ZNF800: variants seen among roughly 807,000 people sequenced by gnomAD.
ZNF800 encodes zinc finger protein 800.
In ZNF800, 13 loss-of-function variants were observed where a neutral mutation model predicts 59.5. The observed-to-expected ratio is 0.22, with a 90% CI of 0.14 to 0.35. The LOEUF is 0.35. Among genes scored for constraint, ZNF800 ranks in the 10% least tolerant of loss-of-function variants. The pLI, the probability that ZNF800 is intolerant of heterozygous loss-of-function variation, is 1.00. For missense variants in ZNF800, 621 were observed against 783.7 expected (o/e 0.79, Z 2.48); for synonymous variants, 266 against 265.7 (o/e 1.00, Z -0.01).
chr7:127,343,529 A>G (rs988060658), downstream of ZNF800, among the ~76,000 whole-genome samples: 5 of 152,032 alleles, frequency 3.3e-5, no homozygotes, highest in Non-Finnish European at 7.4e-5. Context: ...TTAAGTTTTC[A>G]GAGAATTGTC....
At chr7:127,348,208 C>A (rs1800106054) in intron 1 of ZNF800, among the ~76,000 whole-genome samples, 1 of 152,188 alleles carries the variant, frequency 6.6e-6, no homozygotes, top group Non-Finnish European at 1.5e-5. Flanking sequence ...GAGAAAACTG[C>A]GGTGGTCATA....
chr7:127,361,348 CAGG>C (rs1800388981), intron 1 of ZNF800: 1 of 152,028 alleles, frequency 6.6e-6, no homozygotes, highest in Admixed American at 6.6e-5. Flanking sequence ...GAAGCCAAGT[CAGG>C]AGGATTGCTT....
At position 127,371,608 on chromosome 7, in the gene ZNF800, A is replaced by G. The variant is rs903579293; in HGVS notation, c.*206T>C. 4.6e-6 allele frequency: 2 copies of G among 433,344 alleles called. No homozygotes were observed. Among genetic ancestry groups the G allele is most frequent in the African/African-American group, 4.1e-5 (2 of 48,752 alleles). 26.8% of individuals were successfully genotyped at this position (433,344 alleles called of 1,614,324 possible). A position where few individuals can be genotyped will look rare whatever the true frequency, so the allele number is the denominator to read the frequency against. ...CAACATGTAATATCACAGCTACTTG[A>G]AAGTGCTGGAATAGGCAGTGCCTTA... On this transcript the variant is annotated 3_prime_UTR_variant, in exon 6 of 6. Transcript: ENST00000265827.
At position 127,373,458 on chromosome 7, in the gene ZNF800, T is replaced by C. The variant is rs753574901; in HGVS notation, c.1878A>G (p.Ala626=). 3.1e-6 allele frequency: 5 copies of C among 1,614,052 alleles called. No homozygotes were observed. Among genetic ancestry groups the C allele is most frequent in the African/African-American group, 2.7e-5 (2 of 74,944 alleles). The change falls in exon 5 of 6, where the codon GCA becomes GCG. Residue 626 remains alanine, a synonymous_variant. Transcript: ENST00000265827. Reference sequence around the variant, plus strand: ...GTTCAAGGTAAGTCTTTTTGGCAAATGCCTTTCCACATTTATTGCATCTGT... The same window carrying C: ...GTTCAAGGTAAGTCTTTTTGGCAAACGCCTTTCCACATTTATTGCATCTGT... ...SLHRCNKCGK[A]FAKKTYLEHH... is the part of the protein sequence containing the mutation.
chr7:127,356,274 T>C (rs897397638), intron 1 of ZNF800, among the ~76,000 whole-genome samples: 5 of 151,804 alleles, frequency 3.3e-5, no homozygotes, highest in Non-Finnish European at 5.9e-5. Flanking sequence ...TGTGTGTATG[T>C]GTGTGTGAGA....
intron 1 of ZNF800, among the ~76,000 whole-genome samples, chr7:127,358,688 T>TTATA (rs1233715554): frequency 6.6e-6 from 1 of 152,096 alleles, no homozygotes; most frequent in African/African-American, 2.4e-5. Context: ...AATTTAGGAA[T>TTATA]TATAAGTCTT....
intron 1 of ZNF800, chr7:127,360,511 A>G (rs560023697): frequency 2.6e-5 from 4 of 152,246 alleles, no homozygotes; most frequent in Middle Eastern, 3.4e-3. Context: ...CTCCTACAGA[A>G]AAGTTGAGGT....
chr7:127,379,815 A>T, intron 3 of ZNF800, among the ~76,000 whole-genome samples: 1 of 136,056 alleles, frequency 7.3e-6, no homozygotes. Flanking sequence ...TCAATCACAA[A>T]TGCTTCCCCT....
chr7:127,391,344 C>G (rs1757045746), intron 2 of ZNF800, among the ~76,000 whole-genome samples, 153 bp downstream of exon 2: 1 of 152,012 alleles, frequency 6.6e-6, no homozygotes, highest in Admixed American at 6.6e-5. Context: ...CTTGTTTGTA[C>G]AAGCTTTTAG....
chr7:127,358,827 A>T (rs1480350000), intron 1 of ZNF800, among the ~76,000 whole-genome samples: 2 of 152,110 alleles, frequency 1.3e-5, no homozygotes, highest in Non-Finnish European at 2.9e-5. Flanking sequence ...ACGAAGCAGG[A>T]GCTTACTTGT....
At position 127,386,174 on chromosome 7, in the gene ZNF800, C is replaced by G; in HGVS notation, c.62-19G>C. On this transcript the variant is annotated intron_variant, in intron 2 of 5. Transcript: ENST00000265827. The stretch of plus-strand genomic sequence containing the variant: ...ATATAAACTACATGGAAGACAAACA[C>G]CCACCCCAATCCCCACAAAAAAAGG... 1 of 1,491,064 alleles carries G rather than the reference C, an allele frequency of 6.7e-7. No individual in the cohort carries two copies. The highest frequency in any genetic ancestry group is 9.3e-7 in the Non-Finnish European group (1 of 1,072,746). The allele number at this position is 1,491,064 out of a possible 1,614,324, so 92.4% of individuals were successfully genotyped here.
downstream of ZNF800, among the ~76,000 whole-genome samples, chr7:127,366,286 G>A (rs1800505751): frequency 6.6e-6 from 1 of 152,150 alleles, no homozygotes; most frequent in Admixed American, 6.6e-5. Context: ...CCATTGCACA[G>A]TAAGCCCAAA....
chr7:127,362,593 T>G (rs1800416208), intron 1 of ZNF800: 1 of 152,144 alleles, frequency 6.6e-6, no homozygotes. Context: ...CCGAGCATTG[T>G]GCTAGGCCCA....
downstream of ZNF800, among the ~76,000 whole-genome samples, chr7:127,366,746 T>C (rs1800514866): frequency 6.6e-6 from 1 of 152,122 alleles, no homozygotes; most frequent in African/African-American, 2.4e-5. Flanking sequence ...CCCAGGGCCA[T>C]GTTTTATGCC....
chr7:127,357,225 C>T (rs1016926766), intron 1 of ZNF800, among the ~76,000 whole-genome samples: 12 of 151,980 alleles, frequency 7.9e-5, no homozygotes, highest in Admixed American at 3.9e-4. Context: ...ACAGTTTTAT[C>T]GTTAGGTTCT....
chr7:127,361,204 G>A (rs988520614), intron 1 of ZNF800: 2 of 152,104 alleles, frequency 1.3e-5, no homozygotes, highest in African/African-American at 4.8e-5. Context: ...GATGAGTCCT[G>A]AAAGAAGAGA....
At chr7:127,356,255 C>G (rs1371692997) in intron 1 of ZNF800, among the ~76,000 whole-genome samples, 3 of 143,662 alleles carry the variant, frequency 2.1e-5, no homozygotes, top group African/African-American at 2.5e-5. Flanking sequence ...AAAGTTGTGT[C>G]TGTGTGTGTG....
intron 3 of ZNF800, among the ~76,000 whole-genome samples, chr7:127,385,575 T>C (rs1801114153): frequency 6.6e-6 from 1 of 152,154 alleles, no homozygotes; most frequent in Non-Finnish European, 1.5e-5. Flanking sequence ...TTGCGCTCTA[T>C]TAAAGATACC....
At chr7:127,380,908 T>A (rs532039916) in intron 3 of ZNF800, among the ~76,000 whole-genome samples, 1 of 152,328 alleles carries the variant, frequency 6.6e-6, no homozygotes, top group South Asian at 2.1e-4. Context: ...GACTGTATAT[T>A]CCAGATTTTC....
Sources: allele counts gnomAD v4.1 joint callset (sites outside exome capture counted in the v4.1 genomes callset), GRCh38; gene constraint gnomAD v4.1.1; transcripts MANE v1.5; gene names NCBI Gene and HGNC (gene_info 2026-07-23, HGNC 2026-07-21).